The following XKR5 variants were observed in gnomAD, a reference collection of about 807,000 sequenced individuals.
XKR5 encodes the protein XK-related protein 5.
A neutral mutation model predicts 40.8 loss-of-function variants in XKR5; 46 were observed. That is an observed-to-expected ratio of 1.13 (90% CI 0.89 to 1.44). XKR5 has a LOEUF of 1.44. Ranked by LOEUF, XKR5 falls within the 40% of genes most tolerant of loss-of-function variation. XKR5 has a pLI of 0.00. For missense variants in XKR5, 1,169 were observed against 844.7 expected (o/e 1.38, Z -4.76); for synonymous variants, 466 against 356.1 (o/e 1.31, Z -3.48).
intron 2 of XKR5, among the ~76,000 whole-genome samples, chr8:6,832,223 T>C (rs1804802324): frequency 6.6e-6 from 1 of 152,016 alleles, no homozygotes; most frequent in Admixed American, 6.5e-5. Context: ...CCCAGAACTA[T>C]CCCTGGCTAC....
At chr8:6,831,010 C>G (rs1804740553) in intron 2 of XKR5, among the ~76,000 whole-genome samples, 1 of 152,146 alleles carries the variant, frequency 6.6e-6, no homozygotes, top group Non-Finnish European at 1.5e-5. Context: ...CGTTCATTAC[C>G]CAGGAAGCTT....
chr8:6,825,056 T>A, intron 3 of XKR5, 109 bp downstream of exon 3: 1 of 1,327,796 alleles, frequency 7.5e-7, no homozygotes, highest in Non-Finnish European at 1.0e-6. Flanking sequence ...GGTGCCCTAA[T>A]GCTCCTAAGC....
chr8:6,832,516 C>G (rs1022597287), intron 2 of XKR5, among the ~76,000 whole-genome samples: 5 of 152,152 alleles, frequency 3.3e-5, no homozygotes, highest in African/African-American at 1.2e-4. Flanking sequence ...GAAAGAGCCC[C>G]TGAGGTTGGA....
chr8:6,813,606 C>T (rs1468479721), intron 6 of XKR5, among the ~76,000 whole-genome samples: 1 of 152,176 alleles, frequency 6.6e-6, no homozygotes, highest in Non-Finnish European at 1.5e-5. Context: ...CTAGGATTCC[C>T]AAGGGTCGGC....
intron 2 of XKR5, among the ~76,000 whole-genome samples, chr8:6,830,853 G>GA (rs1804735153): frequency 6.6e-6 from 1 of 152,104 alleles, no homozygotes; most frequent in South Asian, 2.1e-4. Context: ...GAGTGCATGG[G>GA]AAAGACAGTG....
intron 5 of XKR5, among the ~76,000 whole-genome samples, chr8:6,817,107 G>A (rs755983270): frequency 1.3e-5 from 2 of 151,916 alleles, no homozygotes; most frequent in African/African-American, 4.8e-5. Flanking sequence ...TGTCTTTCCC[G>A]CCATTTCCGT....
Position 6,825,297 on chromosome 8 carries a change from G to C in XKR5, c.295C>G (p.Arg99Gly). 4 of 1,608,628 alleles carry C rather than the reference G, an allele frequency of 2.5e-6. No individual in the cohort carries two copies. Among genetic ancestry groups the C allele is most frequent in the Non-Finnish European group, 3.4e-6 (4 of 1,177,990 alleles). ...SLQKELEAPH[R>G]GWLQLQEADL... ...GCCTCCTGCAGCTGCAGCCAGCCTC[G>C]GTGGGGAGCCTCCAGTTCCTTCTGC... Residue 99 changes from arginine to glycine, a missense_variant, in exon 3 of 7, where the codon CGA (arginine) becomes GGA (glycine). By Grantham distance (125) the Arg-to-Gly change is moderately radical. Coordinates refer to ENST00000618742, the MANE Select transcript of XKR5 (RefSeq NM_207411.5).
At chr8:6,825,429 A>G in intron 2 of XKR5, 80 bp from the exon 3 acceptor site, 1 of 1,368,580 alleles carries the variant, frequency 7.3e-7, no homozygotes, top group Non-Finnish European at 9.7e-7. Flanking sequence ...TTAGAGACAT[A>G]CTACATGCTA....
intron 6 of XKR5, among the ~76,000 whole-genome samples, chr8:6,813,483 C>G (rs1295210449): frequency 1.3e-5 from 2 of 152,194 alleles, no homozygotes; most frequent in African/African-American, 4.8e-5. Flanking sequence ...CATCCCCAGG[C>G]TGGCACGCAG....
chr8:6,829,414 A>G (rs1804659069), intron 2 of XKR5: 1 of 164,820 alleles, frequency 6.1e-6, no homozygotes, highest in Non-Finnish European at 1.5e-5. Flanking sequence ...GTGGTCACCA[A>G]TGTCAGGTTC....
Position 6,824,896 on chromosome 8 carries a change from C to T in XKR5, c.427+269G>A, listed in dbSNP as rs548523209. On this transcript the variant is annotated intron_variant, in intron 3 of 6. Transcript: ENST00000618742. Reference sequence around the variant, plus strand: ...TTATGGAGAGGCAGTCTTTCCAAGGCATTTTGAGGATAATTTTGATTATGG... The same window carrying T: ...TTATGGAGAGGCAGTCTTTCCAAGGTATTTTGAGGATAATTTTGATTATGG... 2.0e-5 allele frequency among the ~76,000 whole-genome samples: 3 copies of T among 152,258 alleles called. No homozygotes were observed. In the South Asian group the frequency reaches 6.2e-4, roughly 32 times the overall value.
At position 6,812,263 on chromosome 8, in the gene XKR5, C is replaced by A. The variant is rs1215164429; in HGVS notation, c.996G>T (p.Lys332Asn). ...STDIWQGCLR[K>N]SCGIAGGDKT... Reference sequence around the variant, plus strand: ...TATCACCTCCTGCAATGCCACAGGACTTCCTTAGGCAGCCCTGCCAGATGT... The same window carrying A: ...TATCACCTCCTGCAATGCCACAGGAATTCCTTAGGCAGCCCTGCCAGATGT... The change falls in exon 7 of 7, where the codon AAG (lysine) becomes AAT (asparagine). Residue 332 changes from lysine (K) to asparagine (N), a missense_variant. Coordinates refer to ENST00000618742, the MANE Select transcript of XKR5 (RefSeq NM_207411.5). 1 of 1,553,814 alleles carries A rather than the reference C, an allele frequency of 6.4e-7. No homozygotes were observed. Among genetic ancestry groups the A allele is most frequent in the African/African-American group, 1.4e-5 (1 of 73,310 alleles).
chr8:6,826,984 T>C (rs910579567), intron 2 of XKR5, among the ~76,000 whole-genome samples: 2 of 152,174 alleles, frequency 1.3e-5, no homozygotes, highest in Non-Finnish European at 2.9e-5. Flanking sequence ...AACATGTCCT[T>C]GCTTCAGTCT....
intron 6 of XKR5, among the ~76,000 whole-genome samples, chr8:6,812,723 A>T (rs976583933): frequency 2.6e-5 from 4 of 152,206 alleles, no homozygotes; most frequent in African/African-American, 9.7e-5. Flanking sequence ...AAGTAACTGG[A>T]CCATACACTG....
intron 5 of XKR5, among the ~76,000 whole-genome samples, chr8:6,816,323 C>T (rs1803955470): frequency 6.6e-6 from 1 of 152,164 alleles, no homozygotes. Context: ...GCTCATGATG[C>T]CACTGAATTC....
At chr8:6,829,728 G>C (rs1043091624) in intron 2 of XKR5, among the ~76,000 whole-genome samples, 1 of 151,776 alleles carries the variant, frequency 6.6e-6, no homozygotes, top group Admixed American at 6.6e-5. Flanking sequence ...TGTTGGCCAG[G>C]CTGGTTTAGA....
rs1193370843 is a variant in XKR5, at chr8:6,810,187, C to T, written c.*1011G>A. The T allele has an allele frequency of 6.6e-6, 1 of 152,140 alleles. No homozygotes were observed. The highest frequency in any genetic ancestry group is 1.5e-5 in the Non-Finnish European group (1 of 68,046). 9.4% of individuals were successfully genotyped at this position (152,140 alleles called of 1,614,324 possible). On this transcript the variant is annotated 3_prime_UTR_variant, in exon 7 of 7. Coordinates refer to ENST00000618742, the MANE Select transcript of XKR5 (RefSeq NM_207411.5). ...AAATAGCATCCAGCTCTCTGTGTGC[C>T]TTTCTCTTTGATAGTTTATGACTAG...
At chr8:6,828,543 C>T (rs2099778906) in intron 2 of XKR5, among the ~76,000 whole-genome samples, 1 of 152,150 alleles carries the variant, frequency 6.6e-6, no homozygotes, top group Admixed American at 6.5e-5. Flanking sequence ...CCCTGGACAG[C>T]CACTAGGGAA....
At chr8:6,814,056 C>T (rs1792128091) in intron 6 of XKR5, among the ~76,000 whole-genome samples, 1 of 152,202 alleles carries the variant, frequency 6.6e-6, no homozygotes, top group Non-Finnish European at 1.5e-5. Context: ...CACATGGCCC[C>T]TCCCTGAAGG....
Sources: gnomAD v4.1 joint callset for allele counts (sites outside exome capture counted in the v4.1 genomes callset) on GRCh38, gnomAD v4.1.1 for gene constraint, MANE v1.5 for transcripts, NCBI Gene and HGNC (gene_info 2026-07-23, HGNC 2026-07-21) for gene names.